Variants in MACROD2 observed in about 807,000 individuals in gnomAD.
MACROD2 encodes mono-ADP ribosylhydrolase 2.
Under a neutral mutation model 70.4 loss-of-function variants are expected in MACROD2, and 36 were observed. That is an observed-to-expected ratio of 0.51 (90% CI 0.39 to 0.68). MACROD2 has a LOEUF of 0.68. MACROD2 is among the 30% of genes least tolerant of loss of function. The pLI, the probability that MACROD2 is intolerant of heterozygous loss-of-function variation, is 0.00. For missense variants in MACROD2, 496 were observed against 538.4 expected (o/e 0.92, Z 0.78); for synonymous variants, 172 against 178.8 (o/e 0.96, Z 0.30).
Position 14,252,661 on chromosome 20 carries a change from G to C in MACROD2, c.271+166933G>C, listed in dbSNP as rs908209453. ...AATGTTCAATAAATATTTGCTGAAT[G>C]AATGAATGATGAATGATTTTAGCTT... On this transcript the variant is annotated intron_variant, in intron 3 of 17. Transcript: ENST00000684519. 8.5e-5 allele frequency among the ~76,000 whole-genome samples: 13 copies of C among 152,078 alleles called. No individual in the cohort carries two copies. The South Asian group carries it at 1.0e-3, about 12-fold the overall frequency.
intron 3 of MACROD2, among the ~76,000 whole-genome samples, chr20:14,204,004 C>A (rs2081502104): frequency 6.6e-6 from 1 of 152,142 alleles, no homozygotes; most frequent in Admixed American, 6.5e-5. Flanking sequence ...GTAGCTATGG[C>A]AGCTTAACCC....
At chr20:14,217,220 A>C (rs2081630586) in intron 3 of MACROD2, among the ~76,000 whole-genome samples, 1 of 152,108 alleles carries the variant, frequency 6.6e-6, no homozygotes, top group African/African-American at 2.4e-5. Context: ...TCATAAAGCA[A>C]TGTTGGATTT....
chr20:15,910,394 ATGTGTGTGTGTGTGTGTGTGTGTG>A (rs3072220), intron 10 of MACROD2, among the ~76,000 whole-genome samples: 2 of 146,344 alleles, frequency 1.4e-5, no homozygotes, highest in Non-Finnish European at 3.0e-5. Context: ...GTCAGAGGAC[ATGTGTGTGTGTGTGTGTGTGTGTG>A]TGTGTGTGTG....
At chr20:15,987,238 T>C in intron 15 of MACROD2, 80 bp downstream of exon 15, 1 of 1,159,998 alleles carries the variant, frequency 8.6e-7, no homozygotes, top group Non-Finnish European at 1.2e-6. Context: ...ATCAAAGTTA[T>C]TCTCATGCAA....
chr20:15,199,484 G>C (rs1005445969), intron 5 of MACROD2, among the ~76,000 whole-genome samples: 17 of 152,120 alleles, frequency 1.1e-4, no homozygotes, highest in African/African-American at 4.1e-4. Flanking sequence ...TAATAATGAA[G>C]ACTTCACAGA....
At chr20:14,342,049 G>A (rs985960501) in intron 3 of MACROD2, among the ~76,000 whole-genome samples, 5 of 152,134 alleles carry the variant, frequency 3.3e-5, no homozygotes, top group African/African-American at 1.2e-4. Flanking sequence ...CCCTGGGGGG[G>A]TCACTGTTTC....
At chr20:15,186,649 A>C (rs578093808) in intron 5 of MACROD2, among the ~76,000 whole-genome samples, 1 of 152,100 alleles carries the variant, frequency 6.6e-6, no homozygotes, top group Non-Finnish European at 1.5e-5. Context: ...AAAATCCTGG[A>C]CCCATGAAGT....
chr20:14,182,121 C>T (rs1305791580), intron 3 of MACROD2, among the ~76,000 whole-genome samples: 3 of 152,160 alleles, frequency 2.0e-5, no homozygotes, highest in African/African-American at 7.2e-5. Flanking sequence ...ATGAGGGTTC[C>T]AATTTCTTTT....
At chr20:14,749,219 G>A (rs753579941) in intron 5 of MACROD2, among the ~76,000 whole-genome samples, 63 of 151,964 alleles carry the variant, frequency 4.1e-4, no homozygotes, top group Non-Finnish European at 6.8e-4. Flanking sequence ...TCTGCAGCTC[G>A]TACGTCATAT....
intron 8 of MACROD2, among the ~76,000 whole-genome samples, chr20:15,722,491 G>A (rs1249120491): frequency 6.6e-6 from 1 of 152,120 alleles, no homozygotes; most frequent in Non-Finnish European, 1.5e-5. Context: ...CATATTTCTA[G>A]ATAGCACTAT....
At chr20:14,142,731 A>C (rs1365303798) in intron 3 of MACROD2, among the ~76,000 whole-genome samples, 1 of 152,206 alleles carries the variant, frequency 6.6e-6, no homozygotes, top group Non-Finnish European at 1.5e-5. Flanking sequence ...AATCATTAAA[A>C]ATGCACATAG....
At chr20:14,758,644 T>C (rs967327209) in intron 5 of MACROD2, among the ~76,000 whole-genome samples, 8 of 152,112 alleles carry the variant, frequency 5.3e-5, no homozygotes, top group Non-Finnish European at 1.0e-4. Flanking sequence ...ATGGAGCTGG[T>C]TTTTATCCAG....
At chr20:14,980,241 A>G (rs1319937057) in intron 5 of MACROD2, among the ~76,000 whole-genome samples, 1 of 152,138 alleles carries the variant, frequency 6.6e-6, no homozygotes, top group Non-Finnish European at 1.5e-5. Flanking sequence ...TTCTTGAATT[A>G]ATGGATTAAT....
At chr20:14,835,647 A>G (rs532400350) in intron 5 of MACROD2, among the ~76,000 whole-genome samples, 7 of 152,186 alleles carry the variant, frequency 4.6e-5, no homozygotes, top group Non-Finnish European at 7.4e-5. Context: ...AGGTCAATGT[A>G]TCATTGAATC....
intron 3 of MACROD2, among the ~76,000 whole-genome samples, chr20:14,153,433 C>T (rs1332281687): frequency 1.3e-5 from 2 of 152,156 alleles, no homozygotes; most frequent in Admixed American, 6.5e-5. Context: ...GGGAAAGATG[C>T]CCAAAGTTTC....
At chr20:14,767,190 T>C (rs1212013915) in intron 5 of MACROD2, among the ~76,000 whole-genome samples, 1 of 152,138 alleles carries the variant, frequency 6.6e-6, no homozygotes, top group Non-Finnish European at 1.5e-5. Context: ...CAATAATGTA[T>C]TTATTTATTA....
At chr20:14,994,497 C>T (rs1463014256) in intron 5 of MACROD2, among the ~76,000 whole-genome samples, 1 of 152,030 alleles carries the variant, frequency 6.6e-6, no homozygotes, top group African/African-American at 2.4e-5. Flanking sequence ...ATCAACCTCC[C>T]CAGTCAAAAA....
At chr20:14,757,736 G>A in intron 5 of MACROD2, 1 of 1,528,846 alleles carries the variant, frequency 6.5e-7, no homozygotes, top group Non-Finnish European at 9.0e-7. Context: ...CTACGTGAAG[G>A]CACAGTTTGC....
intron 3 of MACROD2, among the ~76,000 whole-genome samples, chr20:14,427,461 A>G (rs1284745712): frequency 6.6e-6 from 1 of 151,056 alleles, no homozygotes; most frequent in Non-Finnish European, 1.5e-5. Flanking sequence ...ATATCAATAT[A>G]TCTAATATAT....
Sources: allele counts gnomAD v4.1 joint callset (sites outside exome capture counted in the v4.1 genomes callset), GRCh38; gene constraint gnomAD v4.1.1; transcripts MANE v1.5; gene names NCBI Gene and HGNC (gene_info 2026-07-23, HGNC 2026-07-21).